Variants in PCDHGA4 observed in about 807,000 individuals in gnomAD.
PCDHGA4 encodes the protein protocadherin gamma-A4.
PCDHGA4 carries 38 observed loss-of-function variants against 54.6 expected under a neutral mutation model. The observed-to-expected ratio is 0.70, with a 90% CI of 0.54 to 0.91. PCDHGA4 has a LOEUF of 0.91. Among genes scored for constraint, PCDHGA4 ranks in the 40% least tolerant of loss-of-function variants. The pLI, the probability that PCDHGA4 is intolerant of heterozygous loss-of-function variation, is 0.00. For synonymous variants in PCDHGA4, 511 were observed against 512.9 expected, an observed-to-expected ratio of 1.00 and a Z score of 0.05; for missense variants, 1,298 against 1,220.9, an observed-to-expected ratio of 1.06 and a Z score of -0.94.
At chr5:141,418,435 A>G (rs1237542659) in intron 1 of PCDHGA4, 1 of 1,614,038 alleles carries the variant, frequency 6.2e-7, no homozygotes, top group South Asian at 1.1e-5. Context: ...GCAAATATCC[A>G]GAATTAGTAT....
chr5:141,503,024 A>G (rs574653661), intron 2 of PCDHGA4, among the ~76,000 whole-genome samples: 2 of 150,210 alleles, frequency 1.3e-5, no homozygotes, highest in South Asian at 2.1e-4. Context: ...TTTTTTTTTA[A>G]TATCTATTTT....
chr5:141,372,034 G>A (rs1308858640), intron 1 of PCDHGA4: 10 of 1,613,358 alleles, frequency 6.2e-6, no homozygotes, highest in Non-Finnish European at 8.5e-6. Context: ...GCCAACGTGA[G>A]CCTGCGCGTG....
chr5:141,376,001 C>A lies in PCDHGA4; in HGVS notation c.2514+18380C>A, dbSNP rs1554084237. On this transcript the variant is annotated intron_variant, in intron 1 of 3. Transcript: ENST00000571252. ...CCTGCTGGACAGAGACGCGCTCAAGCAGAGCCTAGTGGTGGCCGTCCAGGA... is the reference window on the plus strand; with the variant it reads ...CCTGCTGGACAGAGACGCGCTCAAGAAGAGCCTAGTGGTGGCCGTCCAGGA... 10 of 1,613,362 alleles carry A rather than the reference C, an allele frequency of 6.2e-6. No homozygotes were observed. The Admixed American group carries it at 1.7e-4, about 27-fold the overall frequency.
In PCDHGA4 at chr5:141,485,099, G is replaced by T; in HGVS notation, c.2515-9708G>T. The T allele has an allele frequency of 8.7e-7, 1 of 1,145,218 alleles. No individual in the cohort carries two copies. Among genetic ancestry groups the T allele is most frequent in the Non-Finnish European group, 1.3e-6 (1 of 775,682 alleles). 70.9% of individuals were successfully genotyped at this position (1,145,218 alleles called of 1,614,324 possible). A position where few individuals can be genotyped will look rare whatever the true frequency, so the allele number is the denominator to read the frequency against. ...GGGGAAAGGGAGATAGGTGTCTCCA[G>T]CTGCTGTGGCTGTTTGGGGCGGGTC... On this transcript the variant is annotated intron_variant, in intron 1 of 3. Transcript: ENST00000571252. The surrounding 1 kb of genome is among the most constrained non-coding windows in gnomAD (Gnocchi z 5.7).
At position 141,491,578 on chromosome 5, in the gene PCDHGA4, C is replaced by T. The variant is rs1438933474; in HGVS notation, c.2515-3229C>T. 7.4e-6 allele frequency: 12 copies of T among 1,613,888 alleles called. No homozygotes were observed. The highest frequency in any genetic ancestry group is 1.0e-5 in the Non-Finnish European group (12 of 1,180,044). On this transcript the variant is annotated intron_variant, in intron 1 of 3. Coordinates refer to ENST00000571252, the MANE Select transcript of PCDHGA4 (RefSeq NM_018917.4). This position sits in a 1 kb window ranked among gnomAD's most constrained non-coding sequence, Gnocchi z 6.9. ...CCACTGCTACAGGACGTGCTTTTCA[C>T]CGGCCTCGGACGGCAGTGACTTCAC...
Position 141,376,575 on chromosome 5 carries a change from C to T in PCDHGA4, c.2514+18954C>T, listed in dbSNP as rs149813666. ...CCCGCAACCCAACTAATCAGACAGG[C>T]TCATCAGCTAGATCGGCTGTTATAG... On this transcript the variant is annotated intron_variant, in intron 1 of 3. Transcript: ENST00000571252. 4.5e-5 allele frequency: 72 copies of T among 1,597,700 alleles called. No individual in the cohort carries two copies. The East Asian group carries it at 1.4e-3, about 32-fold the overall frequency.
chr5:141,403,353 A>T lies in PCDHGA4; in HGVS notation c.2514+45732A>T, dbSNP rs1335542003. The T allele has an allele frequency of 2.5e-6, 4 of 1,613,932 alleles. No individual in the cohort carries two copies. In the East Asian group the frequency reaches 6.7e-5, roughly 27 times the overall value. ...ATTAACGACAGCGCCCCAAAGTTCC[A>T]GGCCGAAAGTCTGGAAGTAAAAATT... On this transcript the variant is annotated intron_variant, in intron 1 of 3. Coordinates refer to ENST00000571252, the MANE Select transcript of PCDHGA4 (RefSeq NM_018917.4).
At chr5:141,427,965 C>G in intron 1 of PCDHGA4, 1 of 1,590,342 alleles carries the variant, frequency 6.3e-7, no homozygotes, top group Non-Finnish European at 8.6e-7. Flanking sequence ...GCCGCGGGTG[C>G]TGTACCCCGC....
chr5:141,498,042 A>G (rs1189035278), intron 2 of PCDHGA4, among the ~76,000 whole-genome samples: 2 of 152,238 alleles, frequency 1.3e-5, no homozygotes, highest in Non-Finnish European at 2.9e-5. Flanking sequence ...AATAATTACA[A>G]AAATAAATGT....
At chr5:141,370,272 A>T (rs1331315673) in intron 1 of PCDHGA4, 1 of 794,344 alleles carries the variant, frequency 1.3e-6, no homozygotes, top group Non-Finnish European at 1.9e-6. Context: ...TGCAGCGGAG[A>T]CACCCATTAG....
intron 1 of PCDHGA4, chr5:141,359,976 C>G (rs1462412322): frequency 1.3e-6 from 1 of 793,442 alleles, no homozygotes; most frequent in Admixed American, 3.6e-5. Flanking sequence ...GTTTGGGAGC[C>G]TCTTAGAGGG....
At chr5:141,503,660 C>A (rs2099827842) in intron 2 of PCDHGA4, among the ~76,000 whole-genome samples, 1 of 150,420 alleles carries the variant, frequency 6.6e-6, no homozygotes, top group Non-Finnish European at 1.5e-5. Flanking sequence ...AACAGAATTA[C>A]AACTCTTCCC....
chr5:141,358,322 G>C (rs1185859053), intron 1 of PCDHGA4, among the ~76,000 whole-genome samples: 2 of 152,310 alleles, frequency 1.3e-5, no homozygotes, highest in African/African-American at 4.8e-5. Context: ...TCTTTCTCAT[G>C]AAGCTATTGT....
Position 141,476,116 on chromosome 5 carries a change from G to C in PCDHGA4, c.2515-18691G>C, listed in dbSNP as rs367958555. On this transcript the variant is annotated intron_variant, in intron 1 of 3. Transcript: ENST00000571252. The surrounding 1 kb of genome is among the most constrained non-coding windows in gnomAD (Gnocchi z 7.6). ...GCTGAGAGGAACTGCTTTTGAGTGA[G>C]ATGGTCCCAGAGGCCTGGAGGAGCG... 504 of 1,593,954 alleles carry C rather than the reference G, an allele frequency of 3.2e-4. No individual in the cohort carries two copies. Among genetic ancestry groups the C allele is most frequent in the Non-Finnish European group, 4.1e-4 (479 of 1,172,292 alleles).
chr5:141,359,518 C>A (rs1386838836), intron 1 of PCDHGA4, among the ~76,000 whole-genome samples: 1 of 149,410 alleles, frequency 6.7e-6, no homozygotes, highest in African/African-American at 2.5e-5. Flanking sequence ...ATATTATGGG[C>A]CACTAGATAA....
At position 141,409,805 on chromosome 5, in the gene PCDHGA4, C is replaced by A. The variant is rs751397816; in HGVS notation, c.2514+52184C>A. On this transcript the variant is annotated intron_variant, in intron 1 of 3. Transcript: ENST00000571252. ...CGCCTTCGCGCTCACGCTGCAGGCC[C>A]GCGACCACGGCTCGCCCACGCTCAG... is the stretch of plus-strand genomic sequence containing the variant. 14 of 1,611,512 alleles carry A rather than the reference C, an allele frequency of 8.7e-6. No homozygotes were observed. Among genetic ancestry groups the A allele is most frequent in the Middle Eastern group, 1.6e-4 (1 of 6,072 alleles).
intron 1 of PCDHGA4, among the ~76,000 whole-genome samples, chr5:141,457,755 A>G (rs1011599369): frequency 2.0e-5 from 3 of 152,226 alleles, no homozygotes; most frequent in African/African-American, 4.8e-5. Flanking sequence ...GAGCCCAGAC[A>G]TGGGTTTGTA....
chr5:141,389,166 C>G (rs1340986620), intron 1 of PCDHGA4: 1 of 1,613,988 alleles, frequency 6.2e-7, no homozygotes, highest in Non-Finnish European at 8.5e-7. Context: ...TCGGGGCAAG[C>G]CTCCCCTCTC....
In PCDHGA4 at chr5:141,400,400, C is replaced by T. The variant is rs375490385; in HGVS notation, c.2514+42779C>T. On this transcript the variant is annotated intron_variant, in intron 1 of 3. Coordinates refer to ENST00000571252, the MANE Select transcript of PCDHGA4 (RefSeq NM_018917.4). ...CTATGTGTTGCACATACAGGAAAGA[C>T]GGAGTTTAATTTCCTAAAATGTAGT... 65 of 1,614,000 alleles carry T rather than the reference C, an allele frequency of 4.0e-5. No individual in the cohort carries two copies. Among genetic ancestry groups the T allele is most frequent in the South Asian group, 3.8e-4 (35 of 91,078 alleles).
Sources: gnomAD v4.1 joint callset for allele counts (sites outside exome capture counted in the v4.1 genomes callset) on GRCh38, gnomAD v4.1.1 for gene constraint, Gnocchi (gnomAD v3.1) non-coding constraint, MANE v1.5 for transcripts, NCBI Gene and HGNC (gene_info 2026-07-23, HGNC 2026-07-21) for gene names.